The following CUX1 variants were observed in gnomAD, a reference collection of about 807,000 sequenced individuals.
CUX1 encodes the protein protein CASP.
CUX1 carries 31 observed loss-of-function variants against 158.8 expected under a neutral mutation model. The ratio of observed to expected loss-of-function variants is 0.20; its 90% CI spans 0.15 to 0.26. The LOEUF is 0.26. CUX1 is among the 10% of genes least tolerant of loss of function. The pLI is 1.00. For synonymous variants in CUX1, 879 were observed against 862.1 expected (o/e 1.02, Z -0.34); for missense variants, 1,589 against 2,014.6 (o/e 0.79, Z 4.04).
intron 2 of CUX1, among the ~76,000 whole-genome samples, chr7:101,950,957 G>A (rs1371429240): frequency 6.6e-6 from 1 of 152,118 alleles, no homozygotes; most frequent in Non-Finnish European, 1.5e-5. Flanking sequence ...ACTTCCTTTG[G>A]TTTCATTCCC....
chr7:102,157,493 C>T (rs919718177), intron 8 of CUX1, among the ~76,000 whole-genome samples: 2 of 152,174 alleles, frequency 1.3e-5, no homozygotes, highest in Admixed American at 6.5e-5. Flanking sequence ...CAAAAGGACT[C>T]TCCAGGCCGG....
At chr7:101,880,596 G>T (rs977525868) in intron 1 of CUX1, among the ~76,000 whole-genome samples, 1 of 152,216 alleles carries the variant, frequency 6.6e-6, no homozygotes, top group South Asian at 2.1e-4. Context: ...CAGAAATGAT[G>T]AACCTGATTC....
rs1792626742 is a variant in CUX1 at position 102,178,369 on chromosome 7, C to T, written c.829-100C>T. The T allele has an allele frequency of 6.8e-6, 8 of 1,172,728 alleles. No homozygotes were observed. The East Asian group carries it at 2.0e-4, about 29-fold the overall frequency. The allele number at this position is 1,172,728 out of a possible 1,614,324, so 72.6% of individuals were successfully genotyped here. ...ACATCCTGCCATCACCATCCACACACTGACATCTGTGCAGCTTCTGTCTCA... is the reference window on the plus strand; with the variant it reads ...ACATCCTGCCATCACCATCCACACATTGACATCTGTGCAGCTTCTGTCTCA... On this transcript the variant is annotated intron_variant, in intron 10 of 23. Coordinates refer to ENST00000292535, the MANE Select transcript of CUX1 (RefSeq NM_181552.4).
chr7:102,237,730 G>T (rs190142661), intron 22 of CUX1, among the ~76,000 whole-genome samples: 1 of 152,340 alleles, frequency 6.6e-6, no homozygotes, highest in East Asian at 1.9e-4. Flanking sequence ...ACAAGACAAA[G>T]AGATAAAAGG....
intron 2 of CUX1, among the ~76,000 whole-genome samples, chr7:102,016,932 A>G (rs1818666761): frequency 6.6e-6 from 1 of 152,170 alleles, no homozygotes; most frequent in African/African-American, 2.4e-5. Context: ...TTGGTTTCAG[A>G]GAGTCCTGGG....
chr7:101,972,505 C>T (rs868697153), intron 2 of CUX1, among the ~76,000 whole-genome samples: 89 of 152,316 alleles, frequency 5.8e-4, no homozygotes, highest in African/African-American at 2.0e-3. Context: ...GATCCCGCAT[C>T]GAAAACAGCC....
At chr7:101,903,337 A>T (rs1444475573) in intron 1 of CUX1, among the ~76,000 whole-genome samples, 1 of 152,008 alleles carries the variant, frequency 6.6e-6, no homozygotes, top group Non-Finnish European at 1.5e-5. Flanking sequence ...AGATGAGCAG[A>T]CCCCAAGAAC....
chr7:101,865,486 T>C (rs1205010821), intron 1 of CUX1, among the ~76,000 whole-genome samples: 3 of 152,230 alleles, frequency 2.0e-5, no homozygotes, highest in South Asian at 2.1e-4. Flanking sequence ...TGTGGAGTTA[T>C]CATGTTTCTC....
chr7:101,914,751 G>A (rs752695022), intron 1 of CUX1, among the ~76,000 whole-genome samples: 7 of 152,034 alleles, frequency 4.6e-5, no homozygotes, highest in African/African-American at 9.6e-5. Context: ...CACCCACCTC[G>A]GCCTCCCAAA....
chr7:101,897,700 C>T (rs1018138433), intron 1 of CUX1, among the ~76,000 whole-genome samples: 4 of 152,196 alleles, frequency 2.6e-5, no homozygotes, highest in East Asian at 1.9e-4. Context: ...CAGACTATAG[C>T]GTGACCAGTC....
At chr7:101,984,090 A>AAAAATATATATATATATG (rs1563091502) in intron 2 of CUX1, among the ~76,000 whole-genome samples, 3 of 35,008 alleles carry the variant, frequency 8.6e-5, no homozygotes, top group African/African-American at 4.0e-4. Context: ...AAAAAAAAAA[A>AAAAATATATATATATATG]TATATATATA....
intron 2 of CUX1, among the ~76,000 whole-genome samples, chr7:101,952,861 G>T (rs988036448): frequency 6.6e-6 from 1 of 152,238 alleles, no homozygotes; most frequent in South Asian, 2.1e-4. Flanking sequence ...CGCAGGGCAC[G>T]TGTGTGTCCT....
At position 102,249,019 on chromosome 7, in the gene CUX1, G is replaced by A; in HGVS notation, c.4495G>A (p.Glu1499Lys). 2.2e-6 allele frequency: 3 copies of A among 1,379,502 alleles called. No homozygotes were observed. Among genetic ancestry groups the A allele is most frequent in the South Asian group, 1.6e-5 (1 of 64,256 alleles). 85.5% of individuals were successfully genotyped at this position (1,379,502 alleles called of 1,614,324 possible). ...HRLEKAASREEPIEWEF is the reference protein window; with the variant it reads ...HRLEKAASREKPIEWEF Reference sequence around the variant, plus strand: ...CCTGGAGAAGGCCGCCAGCCGGGAGGAACCTATCGAATGGGAGTTCTGAGG... The same window carrying A: ...CCTGGAGAAGGCCGCCAGCCGGGAGAAACCTATCGAATGGGAGTTCTGAGG... Residue 1499 changes from glutamate (E) to lysine (K), a missense_variant, in exon 24 of 24, where the codon GAA (glutamate) becomes AAA (lysine). Physicochemically the swap from Glu to Lys is moderately conservative, Grantham distance 56 (BLOSUM62 1). Transcript: ENST00000292535.
chr7:102,028,276 C>T (rs1292925455), intron 3 of CUX1, 131 bp downstream of exon 3: 27 of 873,228 alleles, frequency 3.1e-5, no homozygotes, highest in Non-Finnish European at 3.6e-5. Context: ...TCCGACCCAG[C>T]GTCATGCAGA....
chr7:102,092,870 G>A (rs1194955079), intron 4 of CUX1, among the ~76,000 whole-genome samples: 4 of 137,704 alleles, frequency 2.9e-5, no homozygotes, highest in Non-Finnish European at 6.0e-5. Flanking sequence ...CCAAGATAGC[G>A]CCACTGCACT....
intron 2 of CUX1, among the ~76,000 whole-genome samples, chr7:101,937,338 T>C (rs555606428): frequency 6.6e-6 from 1 of 152,238 alleles, no homozygotes; most frequent in South Asian, 2.1e-4. Flanking sequence ...TCATAGCACA[T>C]GACAGAGATA....
At chr7:102,018,831 C>A (rs866031226) in intron 2 of CUX1, among the ~76,000 whole-genome samples, 1 of 152,150 alleles carries the variant, frequency 6.6e-6, no homozygotes, top group Non-Finnish European at 1.5e-5. Context: ...CACAAACACA[C>A]GAGCCGCTGG....
intron 12 of CUX1, among the ~76,000 whole-genome samples, chr7:102,192,795 C>A (rs1269684276): frequency 6.6e-6 from 1 of 152,206 alleles, no homozygotes; most frequent in Non-Finnish European, 1.5e-5. Flanking sequence ...CTCTTCCATC[C>A]TTGGTATTTC....
intron 1 of CUX1, among the ~76,000 whole-genome samples, chr7:101,904,117 AACACACACACACAC>A (rs10622369): frequency 7.0e-6 from 1 of 143,858 alleles, no homozygotes; most frequent in South Asian, 2.3e-4. Flanking sequence ...GTCTTTACAA[AACACACACACACAC>A]ACACACACAC....
Sources: allele counts gnomAD v4.1 joint callset (sites outside exome capture counted in the v4.1 genomes callset), GRCh38; gene constraint gnomAD v4.1.1; transcripts MANE v1.5; gene names NCBI Gene and HGNC (gene_info 2026-07-23, HGNC 2026-07-21).